The following AMBRA1 variants were observed in gnomAD, a reference collection of about 807,000 sequenced individuals.
AMBRA1 encodes autophagy and beclin 1 regulator 1, also known as activating molecule in BECN1-regulated autophagy protein 1.
Under a neutral mutation model 125.4 loss-of-function variants are expected in AMBRA1, and 47 were observed. That is an observed-to-expected ratio of 0.37 (90% CI 0.30 to 0.48). AMBRA1 has a LOEUF of 0.48. Ranked by LOEUF, AMBRA1 falls within the 20% of genes least tolerant of loss-of-function variation. The pLI, the probability that AMBRA1 is intolerant of heterozygous loss-of-function variation, is 0.99. For missense variants in AMBRA1, 1,331 were observed against 1,693.4 expected (o/e 0.79, Z 3.76); for synonymous variants, 626 against 655.5 (o/e 0.95, Z 0.69).
chr11:46,460,748 G>A (rs1279859759), intron 11 of AMBRA1, among the ~76,000 whole-genome samples: 1 of 152,084 alleles, frequency 6.6e-6, no homozygotes, highest in Non-Finnish European at 1.5e-5. Context: ...ATAATCAAAG[G>A]GGTCAAAGGA....
At chr11:46,447,380 C>T (rs1034907721) in intron 11 of AMBRA1, among the ~76,000 whole-genome samples, 3 of 152,060 alleles carry the variant, frequency 2.0e-5, no homozygotes, top group African/African-American at 7.2e-5. Context: ...ACTAAAAATA[C>T]AAAAATTAGC....
chr11:46,515,001 T>C (rs1057275645), intron 7 of AMBRA1, among the ~76,000 whole-genome samples: 1 of 152,168 alleles, frequency 6.6e-6, no homozygotes, highest in South Asian at 2.1e-4. Flanking sequence ...TGGGTGTGAG[T>C]TGAAGAATGG....
chr11:46,515,836 C>G (rs574141617), intron 7 of AMBRA1, among the ~76,000 whole-genome samples: 3 of 152,070 alleles, frequency 2.0e-5, no homozygotes, highest in African/African-American at 7.2e-5. Context: ...CCACCACACC[C>G]GGCTAATTTT....
chr11:46,473,943 C>A (rs1949711743), intron 11 of AMBRA1, among the ~76,000 whole-genome samples: 1 of 152,202 alleles, frequency 6.6e-6, no homozygotes, highest in African/African-American at 2.4e-5. Context: ...AGCCACCGCA[C>A]CCGGACAGGA....
At chr11:46,535,093 G>C (rs1008346723) in intron 7 of AMBRA1, among the ~76,000 whole-genome samples, 1 of 152,010 alleles carries the variant, frequency 6.6e-6, no homozygotes, top group African/African-American at 2.4e-5. Flanking sequence ...CCCAATACTT[G>C]TTCCTCTCTC....
intron 11 of AMBRA1, among the ~76,000 whole-genome samples, chr11:46,458,105 A>T (rs538194602): frequency 6.6e-6 from 1 of 152,328 alleles, no homozygotes; most frequent in Non-Finnish European, 1.5e-5. Context: ...AAACTTGAGA[A>T]GTCCCCAGAA....
chr11:46,501,448 CTGTG>C (rs1950835258), intron 9 of AMBRA1, among the ~76,000 whole-genome samples: 1 of 152,198 alleles, frequency 6.6e-6, no homozygotes, highest in Non-Finnish European at 1.5e-5. Context: ...CTCCAGCCAC[CTGTG>C]AGCCAGAATG....
chr11:46,463,641 CCACT>C (rs998767755), intron 11 of AMBRA1, among the ~76,000 whole-genome samples: 2 of 152,072 alleles, frequency 1.3e-5, no homozygotes, highest in African/African-American at 4.8e-5. Flanking sequence ...GAGAAGATAC[CCACT>C]CAATCGTCAG....
chr11:46,410,840 C>T (rs375093036), intron 15 of AMBRA1, among the ~76,000 whole-genome samples: 10 of 152,312 alleles, frequency 6.6e-5, no homozygotes, highest in Admixed American at 4.6e-4. Flanking sequence ...CAGTGGCTCA[C>T]GCCTGTAATC....
chr11:46,398,581 T>G (rs1590696949), intron 17 of AMBRA1, among the ~76,000 whole-genome samples: 1 of 152,074 alleles, frequency 6.6e-6, no homozygotes, highest in African/African-American at 2.4e-5. Context: ...ACCTCCTGGG[T>G]TCACACCATT....
intron 11 of AMBRA1, among the ~76,000 whole-genome samples, chr11:46,459,773 CA>C (rs1949019278): frequency 1.3e-5 from 2 of 149,454 alleles, no homozygotes; most frequent in African/African-American, 5.0e-5. Flanking sequence ...CACACACACA[CA>C]CCCTGGAATA....
intron 14 of AMBRA1, among the ~76,000 whole-genome samples, chr11:46,430,517 CCA>C: frequency 6.6e-6 from 1 of 152,314 alleles, no homozygotes; most frequent in Admixed American, 6.5e-5. Flanking sequence ...TGTCCAAGAA[CCA>C]CAGTTTGAGA....
Position 46,437,242 on chromosome 11 carries a change from G to A in AMBRA1, c.2633-2205C>T, listed in dbSNP as rs150566579. Among the ~76,000 whole-genome samples the A allele has an allele frequency of 8.5e-5, 13 of 152,240 alleles. No homozygotes were observed. In the East Asian group the frequency reaches 2.1e-3, roughly 25 times the overall value. ...TGGGCATATGGACAAAAAGCATTTC[G>A]TCAGCCTCAAATCCAGGCCACTGTG... is the stretch of plus-strand genomic sequence containing the variant. On this transcript the variant is annotated intron_variant, in intron 12 of 17. Transcript: ENST00000683756.
At chr11:46,514,258 A>C (rs1414853995) in intron 7 of AMBRA1, among the ~76,000 whole-genome samples, 1 of 152,240 alleles carries the variant, frequency 6.6e-6, no homozygotes, top group Non-Finnish European at 1.5e-5. Flanking sequence ...TTATTCCAGC[A>C]ACTGGCCCAC....
intron 11 of AMBRA1, among the ~76,000 whole-genome samples, chr11:46,446,096 T>C (rs1424538366): frequency 3.3e-5 from 5 of 152,252 alleles, no homozygotes; most frequent in African/African-American, 1.2e-4. Flanking sequence ...AATCAACATG[T>C]AGGGTTGCCA....
rs1273339958 is a variant in AMBRA1 at position 46,433,592 on chromosome 11, C to A, written c.2858G>T (p.Gly953Val). 2.5e-6 allele frequency: 4 copies of A among 1,613,972 alleles called. No homozygotes were observed. The highest frequency in any genetic ancestry group is 3.4e-6 in the Non-Finnish European group (4 of 1,179,978). Residue 953 changes from glycine (G) to valine (V), a missense_variant, in exon 14 of 18, where the codon GGC (glycine) becomes GTC (valine). This residue lies in a region of AMBRA1 where 354 missense variants were observed against 532.7 expected (regional missense o/e 0.66). Coordinates refer to ENST00000683756, the MANE Select transcript of AMBRA1 (RefSeq NM_001387011.1). ...NAISVSLSPM[G>V]RYVMVGLASR... Reference sequence around the variant, plus strand: ...GGCCAAGCCCACCATTACATATCTGCCCATTGGGGACAGGCTCACCGAAAT... The same window carrying A: ...GGCCAAGCCCACCATTACATATCTGACCATTGGGGACAGGCTCACCGAAAT...
intron 9 of AMBRA1, among the ~76,000 whole-genome samples, chr11:46,506,980 A>C (rs1951057584): frequency 6.6e-6 from 1 of 151,058 alleles, no homozygotes; most frequent in Non-Finnish European, 1.5e-5. Context: ...CCTGGCTAAC[A>C]AAGTGAAACC....
chr11:46,540,416 G>A (rs1172458261), intron 7 of AMBRA1, among the ~76,000 whole-genome samples: 1 of 152,158 alleles, frequency 6.6e-6, no homozygotes, highest in East Asian at 1.9e-4. Flanking sequence ...CAGAGGCTCG[G>A]GCTCCTGATG....
chr11:46,417,396 C>T (rs1946593374), intron 15 of AMBRA1, among the ~76,000 whole-genome samples: 1 of 152,040 alleles, frequency 6.6e-6, no homozygotes, highest in Non-Finnish European at 1.5e-5. Flanking sequence ...AGCTAGAGCT[C>T]CAAGCAGAAA....
Sources: allele counts gnomAD v4.1 joint callset (sites outside exome capture counted in the v4.1 genomes callset), GRCh38; gene constraint gnomAD v4.1.1; regional missense constraint gnomAD v4.1.1; transcripts MANE v1.5; gene names NCBI Gene and HGNC (gene_info 2026-07-23, HGNC 2026-07-21).